Variants in ICA1L observed in about 807,000 individuals in gnomAD.
ICA1L encodes the protein islet cell autoantigen 1 like.
A neutral mutation model predicts 61.3 loss-of-function variants in ICA1L; 50 were observed. The observed-to-expected ratio is 0.82, with a 90% CI of 0.65 to 1.03. The LOEUF (loss-of-function observed/expected upper bound fraction) is 1.03, where lower values mean the gene tolerates loss of function less well. Ranked by LOEUF, ICA1L falls within the 50% of genes least tolerant of loss-of-function variation. The pLI, the probability that ICA1L is intolerant of heterozygous loss-of-function variation, is 0.00. For missense variants in ICA1L, 508 were observed against 556.7 expected (o/e 0.91, Z 0.88); for synonymous variants, 161 against 191.3 (o/e 0.84, Z 1.31).
At chr2:202,841,655 G>T in intron 1 of ICA1L, 1 of 583,892 alleles carries the variant, frequency 1.7e-6, no homozygotes, top group East Asian at 4.2e-5. Context: ...GCCCACTCGG[G>T]AGAAGCTCAA....
chr2:202,836,684 T>C (rs1694156211), intron 1 of ICA1L, among the ~76,000 whole-genome samples: 1 of 148,404 alleles, frequency 6.7e-6, no homozygotes, highest in Admixed American at 6.8e-5. Context: ...TTACTCATTA[T>C]TGGTCTTTTC....
chr2:202,869,847 T>C (rs1409991278), intron 1 of ICA1L, among the ~76,000 whole-genome samples: 1 of 152,126 alleles, frequency 6.6e-6, no homozygotes, highest in Non-Finnish European at 1.5e-5. Context: ...TGGTGAATAC[T>C]GGATCCAAGT....
In ICA1L at chr2:202,804,542, A is replaced by G. The variant is rs191274419; in HGVS notation, c.910+7204T>C. ...CCCAGATCCTCAAAATACATCAAGT[A>G]AAAGACTACAGGACAAAGTTGAAAA... On this transcript the variant is annotated intron_variant, in intron 9 of 12. Transcript: ENST00000358299. Among the ~76,000 whole-genome samples, 7 of 152,314 alleles carry G rather than the reference A, an allele frequency of 4.6e-5. No individual in the cohort carries two copies. The East Asian group carries it at 1.2e-3, about 25-fold the overall frequency.
intron 1 of ICA1L, among the ~76,000 whole-genome samples, chr2:202,860,751 C>CA (rs1049433618): frequency 4.3e-4 from 63 of 147,210 alleles, no homozygotes; most frequent in Middle Eastern, 3.4e-3. Context: ...GACTGTGTCT[C>CA]AAAAAAAAAG....
At position 202,773,901 on chromosome 2, in the gene ICA1L, A is replaced by G. The variant is rs929824589; in HGVS notation, c.*5632T>C. On this transcript the variant is annotated 3_prime_UTR_variant, in exon 13 of 13. Coordinates refer to ENST00000358299, the MANE Select transcript of ICA1L (RefSeq NM_001288622.3). ...CAGTCCTGCTAAATAAACCAGTGGA[A>G]TAAGAACAGTCAACGTAGAAAGAGA... The G allele has an allele frequency of 2.0e-5, 25 of 1,253,796 alleles. No individual in the cohort carries two copies. In the Admixed American group the frequency reaches 3.5e-4, roughly 18 times the overall value. The allele number at this position is 1,253,796 out of a possible 1,614,324, so 77.7% of individuals were successfully genotyped here. A position where few individuals can be genotyped will look rare whatever the true frequency, so the allele number is the denominator to read the frequency against.
intron 1 of ICA1L, chr2:202,840,837 G>A: frequency 1.6e-6 from 1 of 622,084 alleles, no homozygotes; most frequent in Non-Finnish European, 3.1e-6. Flanking sequence ...GCCTGGAGCT[G>A]GCTGACGTTC....
intron 9 of ICA1L, among the ~76,000 whole-genome samples, chr2:202,802,108 T>G (rs886213865): frequency 6.6e-6 from 1 of 152,168 alleles, no homozygotes. Context: ...CAAGGGACTA[T>G]AAAAATTAGG....
chr2:202,840,610 G>A (rs779364461), intron 1 of ICA1L: 38 of 574,272 alleles, frequency 6.6e-5, no homozygotes, highest in Non-Finnish European at 1.1e-4. Flanking sequence ...GCAGCTTCCT[G>A]TAGATGGTGA....
intron 9 of ICA1L, among the ~76,000 whole-genome samples, 196 bp from the exon 10 acceptor site, chr2:202,797,160 GTGTA>G (rs891801958): frequency 2.4e-4 from 35 of 144,614 alleles, no homozygotes; most frequent in African/African-American, 8.8e-4. Flanking sequence ...GTGTGTGTGT[GTGTA>G]TATGTATATA....
At chr2:202,864,250 T>C (rs934382175) in intron 1 of ICA1L, among the ~76,000 whole-genome samples, 1 of 152,000 alleles carries the variant, frequency 6.6e-6, no homozygotes, top group Non-Finnish European at 1.5e-5. Context: ...CAGATCAATT[T>C]TTTTTTTTTT....
chr2:202,780,627 G>T (rs1237982971), intron 12 of ICA1L, among the ~76,000 whole-genome samples: 1 of 152,118 alleles, frequency 6.6e-6, no homozygotes, highest in Non-Finnish European at 1.5e-5. Flanking sequence ...CAGTGTGGAG[G>T]GTAGAAGGCA....
intron 1 of ICA1L, among the ~76,000 whole-genome samples, chr2:202,854,486 G>C (rs1367255996): frequency 6.6e-6 from 1 of 152,108 alleles, no homozygotes; most frequent in Non-Finnish European, 1.5e-5. Flanking sequence ...AGATCAATGA[G>C]ACAGAAAATT....
intron 10 of ICA1L, among the ~76,000 whole-genome samples, chr2:202,790,595 G>A (rs1341518895): frequency 3.3e-5 from 5 of 152,170 alleles, no homozygotes; most frequent in South Asian, 4.2e-4. Flanking sequence ...TTCACATCCC[G>A]TCCCCAGTTA....
chr2:202,824,542 T>C (rs539907447), intron 3 of ICA1L, among the ~76,000 whole-genome samples: 32 of 152,296 alleles, frequency 2.1e-4, no homozygotes, highest in African/African-American at 7.5e-4. Flanking sequence ...TTGTATTTTT[T>C]GTACCCTCTG....
intron 7 of ICA1L, among the ~76,000 whole-genome samples, chr2:202,815,633 T>A (rs951990143): frequency 6.6e-6 from 1 of 151,872 alleles, no homozygotes; most frequent in African/African-American, 2.4e-5. Flanking sequence ...ATTTTTTTTT[T>A]ACTTTTAAAT....
At position 202,811,263 on chromosome 2, in the gene ICA1L, G is replaced by A. The variant is rs571038238; in HGVS notation, c.910+483C>T. 4.6e-5 allele frequency among the ~76,000 whole-genome samples: 7 copies of A among 152,106 alleles called. 1 individual carries two copies. Among genetic ancestry groups the A allele is most frequent in the African/African-American group, 1.4e-4 (6 of 41,494 alleles). ...TGTCCCTTTATTTCTCAGACCAGCC[G>A]ACACTTGGGGAAAATAGAAAAGAAC... On this transcript the variant is annotated intron_variant, in intron 9 of 12. Coordinates refer to ENST00000358299, the MANE Select transcript of ICA1L (RefSeq NM_001288622.3).
At chr2:202,842,985 A>T (rs577265742) in intron 1 of ICA1L, among the ~76,000 whole-genome samples, 56 of 152,228 alleles carry the variant, frequency 3.7e-4, no homozygotes, top group South Asian at 8.3e-4. Context: ...TGATTTTTTT[A>T]AAAAAATAAT....
rs1376108598 is a variant in ICA1L, at chr2:202,821,487, A to G, written c.236-6T>C. 2 of 1,594,888 alleles carry G rather than the reference A, an allele frequency of 1.3e-6. No homozygotes were observed. The highest frequency in any genetic ancestry group is 1.7e-6 in the Non-Finnish European group (2 of 1,170,758). On this transcript the variant is annotated splice_polypyrimidine_tract_variant and splice_region_variant and intron_variant, in intron 3 of 12. Coordinates refer to ENST00000358299, the MANE Select transcript of ICA1L (RefSeq NM_001288622.3). ...ATTTTCTTCCTCTGATATAACTAGG[A>G]AAAAAATTACAGTGTAGTTAATTGT...
chr2:202,826,595 C>T (rs527576587), intron 2 of ICA1L, among the ~76,000 whole-genome samples: 1 of 152,246 alleles, frequency 6.6e-6, no homozygotes, highest in East Asian at 1.9e-4. Flanking sequence ...GCTCAACCTC[C>T]TGAGTAGCTG....
Sources: gnomAD v4.1 joint callset for allele counts (sites outside exome capture counted in the v4.1 genomes callset) on GRCh38, gnomAD v4.1.1 for gene constraint, MANE v1.5 for transcripts, NCBI Gene and HGNC (gene_info 2026-07-23, HGNC 2026-07-21) for gene names.